Variants in KCNB2 observed in about 807,000 individuals in gnomAD.
KCNB2 encodes potassium voltage-gated channel subfamily B member 2.
KCNB2 carries 15 observed loss-of-function variants against 61.5 expected under a neutral mutation model. That is an observed-to-expected ratio of 0.24 (90% CI 0.16 to 0.38). The LOEUF is 0.38. KCNB2 is among the 10% of genes least tolerant of loss of function. The pLI is 1.00. For missense variants in KCNB2, 828 were observed against 1,125.2 expected, an observed-to-expected ratio of 0.74 and a Z score of 3.78; for synonymous variants, 457 against 446.0, an observed-to-expected ratio of 1.02 and a Z score of -0.31.
At chr8:72,852,412 C>T (rs1260375157) in intron 2 of KCNB2, among the ~76,000 whole-genome samples, 1 of 152,146 alleles carries the variant, frequency 6.6e-6, no homozygotes. Context: ...ATTTATATTA[C>T]TCATCAGCAG....
chr8:72,538,065 G>A (rs975209772), intron 1 of KCNB2, among the ~76,000 whole-genome samples, 180 bp downstream of exon 1: 6 of 152,026 alleles, frequency 3.9e-5, no homozygotes, highest in East Asian at 2.0e-4. Flanking sequence ...GCTCCTTCCC[G>A]GTGGGGAAGG....
chr8:72,611,194 A>G (rs1446272929), intron 2 of KCNB2, among the ~76,000 whole-genome samples: 1 of 152,210 alleles, frequency 6.6e-6, no homozygotes, highest in East Asian at 1.9e-4. Flanking sequence ...ATTTTCTTAT[A>G]GATTTCTGAC....
chr8:72,574,333 G>C (rs1197251452), intron 2 of KCNB2, among the ~76,000 whole-genome samples: 1 of 152,126 alleles, frequency 6.6e-6, no homozygotes, highest in Non-Finnish European at 1.5e-5. Context: ...GTCATAAAAA[G>C]CTCATACCCC....
intron 2 of KCNB2, among the ~76,000 whole-genome samples, chr8:72,746,684 T>G (rs2250178): frequency 0.32 from 48,627 of 151,948 alleles, 8,042 homozygotes; most frequent in African/African-American, 0.36. Context: ...ATGATTGCAC[T>G]GCTCTTTGAA....
chr8:72,730,269 A>C (rs2128993446), intron 2 of KCNB2, among the ~76,000 whole-genome samples: 1 of 152,314 alleles, frequency 6.6e-6, no homozygotes, highest in East Asian at 1.9e-4. Flanking sequence ...TCCCCTTGCG[A>C]CTTTTCTTTT....
chr8:72,840,312 G>C lies in KCNB2; in HGVS notation c.580-95623G>C, dbSNP rs193034908. Among the ~76,000 whole-genome samples the C allele has an allele frequency of 2.5e-3, 380 of 152,246 alleles. 1 individual carries two copies. Among genetic ancestry groups the C allele is most frequent in the African/African-American group, 7.8e-3 (323 of 41,510 alleles). On this transcript the variant is annotated intron_variant, in intron 2 of 2. Transcript: ENST00000523207. ...CATTTTCTTTATCCAGTCTATCATT[G>C]ATAGGTATTTGGATTGGTTCCAAGT...
At chr8:72,847,802 C>A (rs1810023389) in intron 2 of KCNB2, among the ~76,000 whole-genome samples, 1 of 152,116 alleles carries the variant, frequency 6.6e-6, no homozygotes, top group African/African-American at 2.4e-5. Flanking sequence ...ATATTCCAGG[C>A]AAATGGTTGA....
intron 2 of KCNB2, among the ~76,000 whole-genome samples, chr8:72,678,223 G>A (rs545167030): frequency 2.6e-5 from 4 of 152,234 alleles, no homozygotes; most frequent in South Asian, 2.1e-4. Context: ...CTCTTAACTC[G>A]TTTATTGCAA....
chr8:72,627,269 G>C, intron 2 of KCNB2, among the ~76,000 whole-genome samples: 1 of 152,336 alleles, frequency 6.6e-6, no homozygotes, highest in Non-Finnish European at 1.5e-5. Context: ...TTTAGAGAAG[G>C]AGGTCACTAG....
At position 72,787,180 on chromosome 8, in the gene KCNB2, A is replaced by G. The variant is rs1808856730; in HGVS notation, c.580-148755A>G. ...CACTGAGATGAAAACCTCAAATATGACATTTAAATGAATGGGTAAGCCTGG... is the reference window on the plus strand; with the variant it reads ...CACTGAGATGAAAACCTCAAATATGGCATTTAAATGAATGGGTAAGCCTGG... On this transcript the variant is annotated intron_variant, in intron 2 of 2. Coordinates refer to ENST00000523207, the MANE Select transcript of KCNB2 (RefSeq NM_004770.3). 2.0e-5 allele frequency among the ~76,000 whole-genome samples: 3 copies of G among 152,142 alleles called. No homozygotes were observed. In the South Asian group the frequency reaches 6.2e-4, roughly 31 times the overall value.
chr8:72,613,364 T>A (rs1805569308), intron 2 of KCNB2, among the ~76,000 whole-genome samples: 1 of 152,184 alleles, frequency 6.6e-6, no homozygotes. Flanking sequence ...TGAATTTATA[T>A]TCCTCAAAAA....
chr8:72,846,691 A>G (rs2129003000), intron 2 of KCNB2, among the ~76,000 whole-genome samples: 1 of 152,360 alleles, frequency 6.6e-6, no homozygotes, highest in East Asian at 1.9e-4. Flanking sequence ...AGAAATGCAA[A>G]TCAAAATGAC....
intron 2 of KCNB2, among the ~76,000 whole-genome samples, chr8:72,920,071 G>A (rs939890965): frequency 2.0e-5 from 3 of 151,878 alleles, no homozygotes; most frequent in Admixed American, 1.3e-4. Context: ...TAATATTATA[G>A]TTTAAAACTA....
chr8:72,672,853 T>G (rs1017279305), intron 2 of KCNB2, among the ~76,000 whole-genome samples: 6 of 152,154 alleles, frequency 3.9e-5, no homozygotes, highest in Non-Finnish European at 7.4e-5. Context: ...ACATTGCAAC[T>G]TAAAAATAAT....
chr8:72,622,459 G>A (rs1318609764), intron 2 of KCNB2, among the ~76,000 whole-genome samples: 1 of 152,172 alleles, frequency 6.6e-6, no homozygotes, highest in African/African-American at 2.4e-5. Flanking sequence ...AATGTGATAT[G>A]AATATCATGA....
intron 2 of KCNB2, among the ~76,000 whole-genome samples, chr8:72,924,534 A>T (rs922012983): frequency 6.6e-6 from 1 of 152,208 alleles, no homozygotes; most frequent in African/African-American, 2.4e-5. Context: ...TAAAGATTGA[A>T]GAACCACATT....
chr8:72,696,571 T>C (rs1411237442), intron 2 of KCNB2, among the ~76,000 whole-genome samples: 2 of 152,064 alleles, frequency 1.3e-5, no homozygotes, highest in African/African-American at 4.8e-5. Flanking sequence ...AGCCTTCAAA[T>C]CAGGTAGGAT....
At chr8:72,896,694 A>G (rs1423917177) in intron 2 of KCNB2, among the ~76,000 whole-genome samples, 2 of 152,130 alleles carry the variant, frequency 1.3e-5, no homozygotes, top group African/African-American at 2.4e-5. Flanking sequence ...CAAAAAAAAC[A>G]TTGTATTTAA....
chr8:72,761,550 G>T (rs767691747), intron 2 of KCNB2, among the ~76,000 whole-genome samples: 1 of 152,156 alleles, frequency 6.6e-6, no homozygotes, highest in East Asian at 1.9e-4. Context: ...AGGAGAGATT[G>T]TGTTTATAAT....
Sources: allele counts gnomAD v4.1 joint callset (sites outside exome capture counted in the v4.1 genomes callset), GRCh38; gene constraint gnomAD v4.1.1; transcripts MANE v1.5; gene names NCBI Gene and HGNC (gene_info 2026-07-23, HGNC 2026-07-21).